The following SPART variants were observed in gnomAD, a reference collection of about 807,000 sequenced individuals.
SPART encodes the protein spartin.
A neutral mutation model predicts 58.7 loss-of-function variants in SPART; 35 were observed. The observed-to-expected ratio is 0.60, with a 90% CI of 0.46 to 0.79. The LOEUF is 0.79. SPART is among the 30% of genes least tolerant of loss of function. The pLI is 0.00. For missense variants in SPART, 730 were observed against 786.1 expected (o/e 0.93, Z 0.85); for synonymous variants, 284 against 280.7 (o/e 1.01, Z -0.12).
At chr13:36,360,267 C>T (rs1885798777) in intron 1 of SPART, among the ~76,000 whole-genome samples, 1 of 5,584 alleles carries the variant, frequency 1.8e-4, no homozygotes, top group South Asian at 0.01. Context: ...TGCACTCCAG[C>T]CTGGGTGGAG....
chr13:36,331,318 G>A (rs1315316885), intron 3 of SPART, 81 bp downstream of exon 3: 4 of 1,164,954 alleles, frequency 3.4e-6, no homozygotes, highest in South Asian at 1.2e-5. Context: ...TTACAGTAGA[G>A]GTTATTACAA....
intron 8 of SPART, among the ~76,000 whole-genome samples, chr13:36,309,547 A>T (rs1281181638): frequency 7.1e-6 from 1 of 141,008 alleles, no homozygotes; most frequent in Non-Finnish European, 1.6e-5. Flanking sequence ...ATGGAATACT[A>T]CACAGCCCTA....
At chr13:36,354,858 C>A (rs1204590904) in intron 1 of SPART, among the ~76,000 whole-genome samples, 2 of 152,104 alleles carry the variant, frequency 1.3e-5, no homozygotes, top group African/African-American at 2.4e-5. Flanking sequence ...CTTCTTTAAT[C>A]TTTTTTCACA....
chr13:36,311,207 A>C (rs1409349905), intron 8 of SPART, among the ~76,000 whole-genome samples: 1 of 152,200 alleles, frequency 6.6e-6, no homozygotes, highest in Non-Finnish European at 1.5e-5. Flanking sequence ...GCACACTGAA[A>C]ACATTCACGA....
chr13:36,358,883 G>T (rs1435041890), intron 1 of SPART, among the ~76,000 whole-genome samples: 1 of 152,166 alleles, frequency 6.6e-6, no homozygotes, highest in Non-Finnish European at 1.5e-5. Context: ...TAGATAAAAA[G>T]AGTTCCCATT....
intron 8 of SPART, among the ~76,000 whole-genome samples, chr13:36,308,842 T>TA (rs1880779544): frequency 7.1e-6 from 1 of 141,358 alleles, no homozygotes; most frequent in African/African-American, 2.5e-5. Flanking sequence ...GAATGAATAT[T>TA]AGAGTTCAGG....
At chr13:36,351,989 G>T (rs1312907945) in intron 1 of SPART, among the ~76,000 whole-genome samples, 1 of 152,112 alleles carries the variant, frequency 6.6e-6, no homozygotes, top group African/African-American at 2.4e-5. Context: ...GTGAACTTAG[G>T]TTATCACTAA....
intron 5 of SPART, among the ~76,000 whole-genome samples, chr13:36,318,478 A>G (rs903329411): frequency 6.6e-6 from 1 of 152,202 alleles, no homozygotes; most frequent in Admixed American, 6.5e-5. Context: ...ACATTTTATT[A>G]CCCAATCTGC....
chr13:36,322,063 A>T (rs1052860889), intron 5 of SPART, among the ~76,000 whole-genome samples: 4 of 151,880 alleles, frequency 2.6e-5, no homozygotes, highest in Non-Finnish European at 5.9e-5. Flanking sequence ...ATCCTATAAA[A>T]TGGCCCCACC....
rs2137672050 is a variant in SPART at position 36,346,329 on chromosome 13, GCT to G, written c.-109_-108del. 6.6e-6 allele frequency: 1 copy of G among 152,294 alleles called. No homozygotes were observed. The highest frequency in any genetic ancestry group is 6.5e-5 in the Admixed American group (1 of 15,302). The allele number at this position is 152,294 out of a possible 1,614,324, so 9.4% of individuals were successfully genotyped here. ...ACTCCCTTACACTGGGCGCCGCTGC[GCT>G]CGCCGGGGGCCGGTCCCGAGGTTCC... On this transcript the variant is annotated 5_prime_UTR_variant, in exon 1 of 9. Coordinates refer to ENST00000438666, the MANE Select transcript of SPART (RefSeq NM_015087.5).
At chr13:36,312,105 C>T (rs770843751) in intron 8 of SPART, 40 bp downstream of exon 8, 1 of 1,577,838 alleles carries the variant, frequency 6.3e-7, no homozygotes, top group Non-Finnish European at 8.7e-7. Context: ...ACAACAACAA[C>T]AAAACAGAGA....
At chr13:36,322,930 TGAA>T (rs1383776518) in intron 5 of SPART, among the ~76,000 whole-genome samples, 1 of 152,220 alleles carries the variant, frequency 6.6e-6, no homozygotes. Flanking sequence ...AATAATCTAC[TGAA>T]GAATAGGAGG....
chr13:36,367,099 A>T (rs1290946868), intron 1 of SPART, among the ~76,000 whole-genome samples: 1 of 152,132 alleles, frequency 6.6e-6, no homozygotes, highest in Non-Finnish European at 1.5e-5. Context: ...CACAGCAGGG[A>T]GCGTTGTAGG....
intron 5 of SPART, among the ~76,000 whole-genome samples, chr13:36,315,692 A>G (rs766936044): frequency 6.6e-6 from 1 of 152,212 alleles, no homozygotes; most frequent in Non-Finnish European, 1.5e-5. Context: ...ATAAACAACA[A>G]AAGGCTTGAA....
rs1883470660 is a variant in SPART at position 36,331,609 on chromosome 13, A to G, written c.811-13T>C. On this transcript the variant is annotated splice_polypyrimidine_tract_variant and intron_variant, in intron 2 of 8. Transcript: ENST00000438666. Reference sequence around the variant, plus strand: ...ACCAGTCACAAACCTGAAAGGATTCATTAGAAGAAAAAAAATATACATATA... The same window carrying G: ...ACCAGTCACAAACCTGAAAGGATTCGTTAGAAGAAAAAAAATATACATATA... The G allele has an allele frequency of 6.3e-7, 1 of 1,589,298 alleles. No individual in the cohort carries two copies. The highest frequency in any genetic ancestry group is 1.1e-5 in the South Asian group (1 of 89,398).
chr13:36,330,227 T>C (rs1185833589), intron 3 of SPART, among the ~76,000 whole-genome samples: 4 of 152,196 alleles, frequency 2.6e-5, no homozygotes, highest in African/African-American at 9.7e-5. Flanking sequence ...TTTCACTCAG[T>C]AAACAGTGAA....
intron 1 of SPART, among the ~76,000 whole-genome samples, chr13:36,351,672 C>T (rs545731094): frequency 6.6e-6 from 1 of 152,008 alleles, no homozygotes; most frequent in African/African-American, 2.4e-5. Flanking sequence ...GCATGCAATA[C>T]CCATTATACT....
chr13:36,357,958 C>G (rs1260218238), intron 1 of SPART, among the ~76,000 whole-genome samples: 2 of 152,104 alleles, frequency 1.3e-5, no homozygotes, highest in Non-Finnish European at 2.9e-5. Context: ...AAGATCGAGG[C>G]CCAGAAATTC....
Position 36,304,630 on chromosome 13 carries a change from T to C in SPART, c.1736A>G (p.Tyr579Cys). 6.2e-7 allele frequency: 1 copy of C among 1,613,824 alleles called. No individual in the cohort carries two copies. ...GGTAGCTTCTCCTGCATTATATCCG[T>C]ATCTTTAAAAGAAAGATTAGAGGAC... ...AETVQTVRYK[Y>C]GYNAGEATHH... The change falls in exon 9 of 9, where the codon TAC (tyrosine) becomes TGC (cysteine). Residue 579 changes from tyrosine (Y) to cysteine (C), a missense_variant and splice_region_variant. Tyr to Cys is a radical substitution (Grantham distance 194, BLOSUM62 -2). Coordinates refer to ENST00000438666, the MANE Select transcript of SPART (RefSeq NM_015087.5).
Sources: allele counts gnomAD v4.1 joint callset (sites outside exome capture counted in the v4.1 genomes callset), GRCh38; gene constraint gnomAD v4.1.1; transcripts MANE v1.5; gene names NCBI Gene and HGNC (gene_info 2026-07-23, HGNC 2026-07-21).